Variants in UNC13C observed in about 807,000 individuals in gnomAD.
UNC13C encodes the protein unc-13 homolog C.
In UNC13C, 174 loss-of-function variants were observed where a neutral mutation model predicts 245.4. The observed-to-expected ratio is 0.71, with a 90% CI of 0.63 to 0.80. The LOEUF (loss-of-function observed/expected upper bound fraction) is 0.80. Ranked by LOEUF, UNC13C falls within the 30% of genes least tolerant of loss-of-function variation. The pLI, the probability that UNC13C is intolerant of heterozygous loss-of-function variation, is 0.00. For missense variants in UNC13C, 2,829 were observed against 2,602.9 expected (o/e 1.09, Z -1.89); for synonymous variants, 992 against 895.1 (o/e 1.11, Z -1.93).
chr15:53,977,947 C>A (rs182489237), upstream of UNC13C, among the ~76,000 whole-genome samples: 1 of 152,120 alleles, frequency 6.6e-6, no homozygotes, highest in Non-Finnish European at 1.5e-5. Context: ...AAATGGTTTT[C>A]CACAAAAATA....
intron 2 of UNC13C, among the ~76,000 whole-genome samples, chr15:54,033,710 T>G (rs1317244445): frequency 6.6e-6 from 1 of 152,172 alleles, no homozygotes; most frequent in East Asian, 1.9e-4. Flanking sequence ...AGAGATATTA[T>G]GTACCTGGGT....
At chr15:54,129,200 A>G (rs988600679) in intron 2 of UNC13C, among the ~76,000 whole-genome samples, 2 of 152,176 alleles carry the variant, frequency 1.3e-5, no homozygotes, top group African/African-American at 4.8e-5. Flanking sequence ...TGAATTTTAC[A>G]TTGTTAAAGC....
the UNC13C span, among the ~76,000 whole-genome samples, chr15:53,898,195 A>ACCACC: frequency 3.3e-4 from 43 of 132,094 alleles, no homozygotes; most frequent in African/African-American, 4.4e-4. Flanking sequence ...TGACCACCAC[A>ACCACC]ACCACCACCA....
chr15:54,440,202 A>G (rs1890440665), intron 19 of UNC13C, among the ~76,000 whole-genome samples: 1 of 151,986 alleles, frequency 6.6e-6, no homozygotes, highest in African/African-American at 2.4e-5. Flanking sequence ...GAGAAGGTCC[A>G]AGGTGCTCCC....
At chr15:53,995,599 C>T (rs1006488106) in intron 1 of UNC13C, among the ~76,000 whole-genome samples, 17 of 152,186 alleles carry the variant, frequency 1.1e-4, no homozygotes, top group African/African-American at 4.1e-4. Context: ...CATGTTCTCT[C>T]TCAAGTTCCC....
intron 29 of UNC13C, among the ~76,000 whole-genome samples, chr15:54,562,470 C>T (rs1359873225): frequency 6.6e-6 from 1 of 152,016 alleles, no homozygotes; most frequent in African/African-American, 2.4e-5. Flanking sequence ...CCCACTCTTG[C>T]CACGTCATCT....
intron 18 of UNC13C, among the ~76,000 whole-genome samples, chr15:54,398,307 G>A (rs1272129425): frequency 1.3e-5 from 2 of 151,138 alleles, no homozygotes; most frequent in African/African-American, 4.8e-5. Flanking sequence ...ATCTCCACAT[G>A]GTCTTGATGT....
chr15:54,095,251 A>G (rs1004389518), intron 2 of UNC13C, among the ~76,000 whole-genome samples: 1 of 152,190 alleles, frequency 6.6e-6, no homozygotes, highest in African/African-American at 2.4e-5. Context: ...CAAATTCTGT[A>G]TCAGTCCATT....
the UNC13C span, among the ~76,000 whole-genome samples, chr15:53,938,209 A>AT: frequency 1.3e-5 from 2 of 152,142 alleles, no homozygotes; most frequent in Non-Finnish European, 2.9e-5. Context: ...AAGCAGAAAA[A>AT]AAAAGAGTCA....
chr15:54,126,573 G>A (rs528459436), intron 2 of UNC13C, among the ~76,000 whole-genome samples: 3 of 152,198 alleles, frequency 2.0e-5, no homozygotes, highest in South Asian at 4.1e-4. Context: ...ATGGATTAAA[G>A]ACTTAAACCT....
In UNC13C at chr15:54,628,436, T is replaced by TGAC. The variant is rs200989235; in HGVS notation, c.*1324_*1326dup. 5,967 of 152,686 alleles carry TGAC rather than the reference T, an allele frequency of 0.039. 218 individuals are homozygous for TGAC. The highest frequency in any genetic ancestry group is 0.12 in the Admixed American group (1,831 of 15,270). The allele number at this position is 152,686 out of a possible 1,614,324, so 9.5% of individuals were successfully genotyped here. On this transcript the variant is annotated 3_prime_UTR_variant, in exon 33 of 33. Coordinates refer to ENST00000260323, the MANE Select transcript of UNC13C (RefSeq NM_001080534.3). ...TTAAGTACAGAAGTGCTTAGTATCA[T>TGAC]GACTGTCAGAACCATTCTGCAACTG...
chr15:54,206,664 A>G (rs886404926), intron 4 of UNC13C, among the ~76,000 whole-genome samples: 2 of 152,104 alleles, frequency 1.3e-5, no homozygotes, highest in African/African-American at 4.8e-5. Flanking sequence ...TATCTAAACC[A>G]GACAGTAAAT....
At chr15:54,596,688 T>C (rs1899101266) in intron 30 of UNC13C, among the ~76,000 whole-genome samples, 1 of 152,222 alleles carries the variant, frequency 6.6e-6, no homozygotes, top group Admixed American at 6.5e-5. Flanking sequence ...GTTTGGGTTA[T>C]GGGGGCAGAT....
At chr15:53,939,606 G>T in the UNC13C span, among the ~76,000 whole-genome samples, 1 of 152,082 alleles carries the variant, frequency 6.6e-6, no homozygotes, top group African/African-American at 2.4e-5. Context: ...CTAGCAAACC[G>T]AATCCAGCAG....
chr15:54,259,761 G>T (rs1300899678), intron 8 of UNC13C, among the ~76,000 whole-genome samples: 2 of 152,198 alleles, frequency 1.3e-5, no homozygotes, highest in East Asian at 1.9e-4. Context: ...TGCTGACTAT[G>T]TAAGTGCACG....
intron 4 of UNC13C, among the ~76,000 whole-genome samples, chr15:54,157,229 A>T (rs144946480): frequency 6.6e-6 from 1 of 152,310 alleles, no homozygotes; most frequent in Non-Finnish European, 1.5e-5. Flanking sequence ...ACACATGATA[A>T]TGTGATACAC....
At chr15:54,223,389 A>T (rs115631616) in intron 4 of UNC13C, among the ~76,000 whole-genome samples, 3,111 of 152,188 alleles carry the variant, frequency 0.02, 107 homozygotes, top group African/African-American at 0.072. Flanking sequence ...TTTGTTGAAA[A>T]TGAATTCACT....
intron 14 of UNC13C, among the ~76,000 whole-genome samples, chr15:54,330,968 G>A (rs11629831): frequency 0.049 from 7,509 of 152,026 alleles, 271 homozygotes; most frequent in Admixed American, 0.1. Context: ...TAAATCTGAT[G>A]ATGGCAGTTT....
chr15:54,402,814 A>G (rs2040214737), intron 18 of UNC13C, among the ~76,000 whole-genome samples: 1 of 152,208 alleles, frequency 6.6e-6, no homozygotes, highest in Non-Finnish European at 1.5e-5. Flanking sequence ...AAAGGATCCC[A>G]TAAATAAGAT....
Sources: gnomAD v4.1 joint callset for allele counts (sites outside exome capture counted in the v4.1 genomes callset) on GRCh38, gnomAD v4.1.1 for gene constraint, MANE v1.5 for transcripts, NCBI Gene and HGNC (gene_info 2026-07-23, HGNC 2026-07-21) for gene names.